The following DOCK1 variants were observed in gnomAD, a reference collection of about 807,000 sequenced individuals.
DOCK1 encodes dedicator of cytokinesis protein 1.
Under a neutral mutation model 262.7 loss-of-function variants are expected in DOCK1, and 138 were observed. The observed-to-expected ratio is 0.53, with a 90% CI of 0.46 to 0.61. DOCK1 has a LOEUF of 0.61. DOCK1 is among the 20% of genes least tolerant of loss of function. The probability of loss-of-function intolerance (pLI) is 0.00; values close to 1 mark genes in which losing one functional copy is unlikely to be tolerated. For missense variants in DOCK1, 1,908 were observed against 2,370.7 expected (o/e 0.80, Z 4.05); for synonymous variants, 866 against 867.4 (o/e 1.00, Z 0.03).
At chr10:127,135,419 G>C (rs1592155910) in intron 27 of DOCK1, 1 of 152,546 alleles carries the variant, frequency 6.6e-6, no homozygotes, top group Non-Finnish European at 1.5e-5. Context: ...AAGTTTAATA[G>C]CCACATAAAA....
At chr10:127,447,370 T>G (rs367801335) in intron 50 of DOCK1, 24 bp from the exon 51 acceptor site, 9 of 1,605,650 alleles carry the variant, frequency 5.6e-6, no homozygotes, top group African/African-American at 2.7e-5. Flanking sequence ...TCGGGCTGAT[T>G]TTAAATAGAT....
chr10:127,358,975 C>G (rs2064279811), intron 32 of DOCK1, among the ~76,000 whole-genome samples: 1 of 152,150 alleles, frequency 6.6e-6, no homozygotes, highest in Non-Finnish European at 1.5e-5. Flanking sequence ...CCGGCAAGGA[C>G]TGGAAGTAAA....
intron 9 of DOCK1, 91 bp from the exon 10 acceptor site, chr10:127,000,081 A>T: frequency 1.4e-6 from 2 of 1,419,140 alleles, no homozygotes; most frequent in South Asian, 1.3e-5. Flanking sequence ...GTCTGAGAAG[A>T]GTCTCAATCC....
At chr10:127,376,076 G>T (rs1444005520) in intron 35 of DOCK1, among the ~76,000 whole-genome samples, 1 of 152,152 alleles carries the variant, frequency 6.6e-6, no homozygotes, top group Non-Finnish European at 1.5e-5. Flanking sequence ...ACAGTGAAGG[G>T]GCAGAGCAGG....
At chr10:127,401,831 C>T (rs750945806) in intron 38 of DOCK1, among the ~76,000 whole-genome samples, 1 of 152,232 alleles carries the variant, frequency 6.6e-6, no homozygotes, top group Non-Finnish European at 1.5e-5. Flanking sequence ...CCTGCTGTAA[C>T]AGCATGGCTG....
chr10:127,177,212 T>A (rs1589793287), intron 27 of DOCK1: 2 of 152,048 alleles, frequency 1.3e-5, no homozygotes, highest in South Asian at 4.2e-4. Flanking sequence ...CCTCCGAAAA[T>A]GAAAACAATG....
chr10:127,023,150 C>T (rs748493342), intron 13 of DOCK1, 50 bp from the exon 14 acceptor site: 79 of 1,596,404 alleles, frequency 4.9e-5, no homozygotes, highest in Middle Eastern at 1.7e-4. Context: ...TTCACAATTA[C>T]GCTATTAATA....
chr10:127,429,853 C>T (rs1192918053), intron 47 of DOCK1, among the ~76,000 whole-genome samples: 1 of 149,620 alleles, frequency 6.7e-6, no homozygotes, highest in East Asian at 2.0e-4. Flanking sequence ...GTGCCCTCAC[C>T]AGCCCACAGC....
At chr10:127,226,088 A>G (rs2058627997) in intron 27 of DOCK1, among the ~76,000 whole-genome samples, 1 of 151,882 alleles carries the variant, frequency 6.6e-6, no homozygotes, top group Non-Finnish European at 1.5e-5. Flanking sequence ...TCAAAAAAAA[A>G]AAAAAAAAAG....
rs531764150 is a variant in DOCK1, at chr10:127,263,240, A to G, written c.3044+5811A>G. 9.5e-4 allele frequency among the ~76,000 whole-genome samples: 144 copies of G among 152,342 alleles called. 1 individual carries two copies. The highest frequency in any genetic ancestry group is 3.2e-3 in the African/African-American group (134 of 41,572). On this transcript the variant is annotated intron_variant, in intron 29 of 51. Transcript: ENST00000623213. ...TTTATAAGAGCGAATCTTACTGTGC[A>G]GTCTAGAAAAATCACGTCTCCCTAG...
chr10:127,200,437 T>G (rs1333773225), intron 27 of DOCK1, among the ~76,000 whole-genome samples: 2 of 152,226 alleles, frequency 1.3e-5, no homozygotes, highest in Non-Finnish European at 2.9e-5. Context: ...TTTGTTTTTG[T>G]TTTGGAGACA....
chr10:127,351,544 C>T (rs1220619727), intron 31 of DOCK1, among the ~76,000 whole-genome samples: 1 of 147,410 alleles, frequency 6.8e-6, no homozygotes. Context: ...ACTCTCCTTC[C>T]CGGTGAGGAT....
At chr10:127,051,744 G>A (rs963204946) in intron 21 of DOCK1, among the ~76,000 whole-genome samples, 6 of 151,952 alleles carry the variant, frequency 3.9e-5, no homozygotes, top group Non-Finnish European at 8.8e-5. Context: ...CATCCTACCC[G>A]GCTAATTTTT....
chr10:127,073,198 A>G (rs2046331652), intron 23 of DOCK1, among the ~76,000 whole-genome samples: 1 of 152,250 alleles, frequency 6.6e-6, no homozygotes, highest in Non-Finnish European at 1.5e-5. Flanking sequence ...GCATGCTTAT[A>G]GGTGACTCAA....
chr10:126,945,633 G>T (rs1046506691), intron 1 of DOCK1, among the ~76,000 whole-genome samples: 1 of 152,148 alleles, frequency 6.6e-6, no homozygotes, highest in African/African-American at 2.4e-5. Flanking sequence ...TTTCTTTTAG[G>T]AAATGAATGG....
At chr10:127,331,606 T>G (rs2062986185) in intron 29 of DOCK1, among the ~76,000 whole-genome samples, 1 of 152,204 alleles carries the variant, frequency 6.6e-6, no homozygotes, top group African/African-American at 2.4e-5. Context: ...AAGTCTTCTC[T>G]GGGGTCCCTT....
At chr10:127,005,176 A>C (rs1326837179) in intron 10 of DOCK1, among the ~76,000 whole-genome samples, 1 of 151,936 alleles carries the variant, frequency 6.6e-6, no homozygotes, top group Admixed American at 6.5e-5. Flanking sequence ...ATCCCTACCC[A>C]AAAAAACTAA....
chr10:127,306,046 G>T (rs563682137), intron 29 of DOCK1, among the ~76,000 whole-genome samples: 3 of 138,876 alleles, frequency 2.2e-5, no homozygotes, highest in African/African-American at 8.2e-5. Context: ...ACGGAGTCTC[G>T]CTCTGTCACC....
intron 5 of DOCK1, 108 bp downstream of exon 5, chr10:126,987,725 G>C: frequency 9.8e-7 from 1 of 1,024,674 alleles, no homozygotes; most frequent in South Asian, 1.6e-5. Context: ...TAAAAGCAGA[G>C]CTTCCGAGAC....
Sources: allele counts gnomAD v4.1 joint callset (sites outside exome capture counted in the v4.1 genomes callset), GRCh38; gene constraint gnomAD v4.1.1; transcripts MANE v1.5; gene names NCBI Gene and HGNC (gene_info 2026-07-23, HGNC 2026-07-21).